The following OXCT1 variants were observed in gnomAD, a reference collection of about 807,000 sequenced individuals.
The protein encoded by OXCT1 is succinyl-CoA:3-ketoacid coenzyme A transferase 1, mitochondrial.
In OXCT1, 27 loss-of-function variants were observed where a neutral mutation model predicts 69.6. The ratio of observed to expected loss-of-function variants is 0.39; its 90% confidence interval spans 0.29 to 0.54. The LOEUF (loss-of-function observed/expected upper bound fraction) is 0.54. Among genes scored for constraint, OXCT1 ranks in the 20% least tolerant of loss-of-function variants. The probability of loss-of-function intolerance (pLI) is 0.72; values close to 1 mark genes in which losing one functional copy is unlikely to be tolerated. For missense variants in OXCT1, 437 were observed against 650.2 expected, an observed-to-expected ratio of 0.67 and a Z score of 3.57; for synonymous variants, 202 against 217.8, an observed-to-expected ratio of 0.93 and a Z score of 0.64.
At chr5:41,797,374 T>G (rs553960450) in intron 11 of OXCT1, among the ~76,000 whole-genome samples, 1 of 152,342 alleles carries the variant, frequency 6.6e-6, no homozygotes, top group South Asian at 2.1e-4. Context: ...TTACATTCTT[T>G]TGAAGCAAGG....
At chr5:41,851,041 C>T (rs887370992) in intron 4 of OXCT1, among the ~76,000 whole-genome samples, 5 of 152,130 alleles carry the variant, frequency 3.3e-5, no homozygotes, top group African/African-American at 1.2e-4. Context: ...ATGGCTCATG[C>T]CTGTAAATCC....
At chr5:41,859,665 T>C (rs955757826) in intron 3 of OXCT1, among the ~76,000 whole-genome samples, 3 of 151,870 alleles carry the variant, frequency 2.0e-5, no homozygotes, top group Non-Finnish European at 4.4e-5. Context: ...TCCTAGGGAA[T>C]GTCCATAATC....
chr5:41,741,894 C>T (rs1364971706), intron 15 of OXCT1, among the ~76,000 whole-genome samples: 1 of 152,178 alleles, frequency 6.6e-6, no homozygotes, highest in Non-Finnish European at 1.5e-5. Context: ...TAGCTTGCTT[C>T]ATTCCAAAAT....
intron 7 of OXCT1, among the ~76,000 whole-genome samples, chr5:41,815,575 C>A (rs1050779610): frequency 3.9e-5 from 6 of 152,090 alleles, no homozygotes; most frequent in African/African-American, 1.4e-4. Context: ...TTTCATTTGT[C>A]ATATCTCTTT....
chr5:41,732,300 A>G (rs893195170), intron 16 of OXCT1, among the ~76,000 whole-genome samples: 2 of 152,218 alleles, frequency 1.3e-5, no homozygotes, highest in African/African-American at 4.8e-5. Flanking sequence ...AAATGATACA[A>G]AGGCAATAAG....
intron 13 of OXCT1, among the ~76,000 whole-genome samples, chr5:41,770,431 T>C (rs116619447): frequency 1.1e-3 from 170 of 152,310 alleles, no homozygotes; most frequent in African/African-American, 3.9e-3. Flanking sequence ...TAAATAAATG[T>C]TATTTAATAC....
At chr5:41,845,359 C>T (rs188643395) in intron 5 of OXCT1, among the ~76,000 whole-genome samples, 6 of 152,192 alleles carry the variant, frequency 3.9e-5, no homozygotes, top group Non-Finnish European at 7.3e-5. Flanking sequence ...ATAATTAATT[C>T]TCTTTGCTGT....
intron 13 of OXCT1, among the ~76,000 whole-genome samples, chr5:41,772,360 A>C (rs544142520): frequency 6.6e-5 from 10 of 152,010 alleles, no homozygotes; most frequent in Non-Finnish European, 1.5e-4. Flanking sequence ...GATTAAAAAA[A>C]ACAAAAAAAA....
chr5:41,767,749 TATA>T (rs1317361345), intron 13 of OXCT1, among the ~76,000 whole-genome samples: 1 of 145,266 alleles, frequency 6.9e-6, no homozygotes, highest in African/African-American at 2.6e-5. Flanking sequence ...TATATATATA[TATA>T]GTGTCTACTA....
chr5:41,842,965 T>C (rs1022247088), intron 5 of OXCT1, among the ~76,000 whole-genome samples, 184 bp from the exon 6 acceptor site: 2 of 152,158 alleles, frequency 1.3e-5, no homozygotes, highest in African/African-American at 2.4e-5. Flanking sequence ...CAAAGTGGTC[T>C]AAGGGGAGCT....
In OXCT1 at chr5:41,840,652, C is replaced by T. The variant is rs1390077308; in HGVS notation, c.672-141G>A. ...TCCAAAAAGAGTGTATCATATTTTC[C>T]ATTAATAAAGTTTCATAAATATCTC... On this transcript the variant is annotated intron_variant, in intron 6 of 16. Transcript: ENST00000196371. 5 of 586,190 alleles carry T rather than the reference C, an allele frequency of 8.5e-6. No homozygotes were observed. In the South Asian group the frequency reaches 1.0e-4, roughly 12 times the overall value. 36.3% of individuals were successfully genotyped at this position (586,190 alleles called of 1,614,324 possible).
At chr5:41,734,368 G>T (rs908710849) in intron 16 of OXCT1, among the ~76,000 whole-genome samples, 6 of 152,108 alleles carry the variant, frequency 3.9e-5, no homozygotes, top group Non-Finnish European at 5.9e-5. Flanking sequence ...CAGACATATG[G>T]TTTATAAAAA....
chr5:41,769,598 G>A (rs1344964315), intron 13 of OXCT1, among the ~76,000 whole-genome samples: 2 of 148,650 alleles, frequency 1.3e-5, no homozygotes, highest in Non-Finnish European at 3.0e-5. Flanking sequence ...ATGGGATGAT[G>A]TGTGCCTGTG....
chr5:41,825,928 T>G (rs1029653915), intron 7 of OXCT1, among the ~76,000 whole-genome samples: 1 of 152,218 alleles, frequency 6.6e-6, no homozygotes, highest in Non-Finnish European at 1.5e-5. Flanking sequence ...AACTTTAATC[T>G]TCATCCCAAA....
At chr5:41,756,003 G>A (rs968190578) in intron 14 of OXCT1, among the ~76,000 whole-genome samples, 8 of 152,026 alleles carry the variant, frequency 5.3e-5, no homozygotes, top group African/African-American at 1.7e-4. Context: ...GAGAGTGAGT[G>A]AAGCTATATG....
chr5:41,732,096 C>T (rs141941066), intron 16 of OXCT1, among the ~76,000 whole-genome samples: 70 of 152,214 alleles, frequency 4.6e-4, no homozygotes, highest in East Asian at 3.1e-3. Flanking sequence ...CACTGATCTC[C>T]GAGACTGATG....
intron 14 of OXCT1, among the ~76,000 whole-genome samples, chr5:41,761,431 A>C (rs1479184062): frequency 6.6e-6 from 1 of 152,120 alleles, no homozygotes; most frequent in Non-Finnish European, 1.5e-5. Context: ...CACAGTAAAC[A>C]CTAAAAAATG....
Position 41,731,273 on chromosome 5 carries a change from G to T in OXCT1, c.*456C>A. The T allele has an allele frequency of 1.9e-6, 1 of 527,248 alleles. No individual in the cohort carries two copies. The highest frequency in any genetic ancestry group is 6.9e-5 in the South Asian group (1 of 14,508). The allele number at this position is 527,248 out of a possible 1,614,324, so 32.7% of individuals were successfully genotyped here. A position where few individuals can be genotyped will look rare whatever the true frequency, so the allele number is the denominator to read the frequency against. On this transcript the variant is annotated 3_prime_UTR_variant, in exon 17 of 17. Transcript: ENST00000196371. ...ACAAGATGTAATCATAAAATCTGAA[G>T]CCCCAAAAGAAAAGTCAGAGGAGGC... is the stretch of plus-strand genomic sequence containing the variant.
At chr5:41,832,923 C>A (rs979806336) in intron 7 of OXCT1, among the ~76,000 whole-genome samples, 68 of 152,104 alleles carry the variant, frequency 4.5e-4, no homozygotes, top group African/African-American at 1.6e-3. Flanking sequence ...AAGAAAATCA[C>A]TAAGCTTGAA....
Sources: allele counts gnomAD v4.1 joint callset (sites outside exome capture counted in the v4.1 genomes callset), GRCh38; gene constraint gnomAD v4.1.1; transcripts MANE v1.5; gene names NCBI Gene and HGNC (gene_info 2026-07-23, HGNC 2026-07-21).